The following PHF2 variants were observed in gnomAD, a reference collection of about 807,000 sequenced individuals.
PHF2 encodes the protein lysine-specific demethylase PHF2.
In PHF2, 27 loss-of-function variants were observed where a neutral mutation model predicts 120.5. That is an observed-to-expected ratio of 0.22 (90% CI 0.17 to 0.31). PHF2 has a LOEUF of 0.31. Ranked by LOEUF, PHF2 falls within the 10% of genes least tolerant of loss-of-function variation. PHF2 has a pLI of 1.00. For synonymous variants in PHF2, 568 were observed against 592.5 expected, an observed-to-expected ratio of 0.96 and a Z score of 0.60; for missense variants, 1,024 against 1,434.8, an observed-to-expected ratio of 0.71 and a Z score of 4.63.
intron 1 of PHF2, among the ~76,000 whole-genome samples, chr9:93,578,193 G>C (rs1205962802): frequency 6.6e-6 from 1 of 152,156 alleles, no homozygotes; most frequent in Non-Finnish European, 1.5e-5. Flanking sequence ...CCAGTCCTGA[G>C]TCCTACCTCC....
At chr9:93,650,916 T>C (rs1826358760) in intron 5 of PHF2, among the ~76,000 whole-genome samples, 1 of 152,038 alleles carries the variant, frequency 6.6e-6, no homozygotes, top group African/African-American at 2.4e-5. Context: ...AAGAATTATC[T>C]AAAACCAAGA....
intron 12 of PHF2, among the ~76,000 whole-genome samples, chr9:93,661,907 GGATA>G (rs1826574546): frequency 6.6e-6 from 1 of 151,590 alleles, no homozygotes; most frequent in Non-Finnish European, 1.5e-5. Flanking sequence ...ATGGGTAGAT[GGATA>G]GATGAATGAA....
Position 93,576,825 on chromosome 9 carries a change from C to A in PHF2, c.52C>A (p.Arg18Ser). ...CTGCCGGCTCCCCTACGACGTTACC[C>A]GCTTCATGATCGAGTGCGACGCCTG... ...CVCRLPYDVT[R>S]FMIECDACKD... Residue 18 changes from arginine to serine, a missense_variant, in exon 1 of 22, where the codon CGC becomes AGC. Physicochemically the swap from Arg to Ser is moderately radical, Grantham distance 110 (BLOSUM62 -1). This residue lies in a region of PHF2 where 347 missense variants were observed against 577.4 expected (regional missense o/e 0.60). Transcript: ENST00000359246. 3.1e-6 allele frequency: 4 copies of A among 1,292,036 alleles called. No individual in the cohort carries two copies. Among genetic ancestry groups the A allele is most frequent in the Non-Finnish European group, 3.0e-6 (3 of 984,890 alleles). The allele number at this position is 1,292,036 out of a possible 1,614,324, so 80.0% of individuals were successfully genotyped here.
intron 12 of PHF2, 32 bp downstream of exon 12, chr9:93,660,592 A>G: frequency 6.6e-7 from 1 of 1,513,376 alleles, no homozygotes; most frequent in Non-Finnish European, 8.8e-7. Context: ...TCCCCACCTT[A>G]TCACCAGAGG....
At chr9:93,662,831 C>T in intron 12 of PHF2, 76 bp from the exon 13 acceptor site, 1 of 1,565,028 alleles carries the variant, frequency 6.4e-7, no homozygotes, top group African/African-American at 1.4e-5. Flanking sequence ...CAGAAGAAGA[C>T]AGGGAATCTG....
At chr9:93,611,053 T>C (rs1366698992) in intron 1 of PHF2, among the ~76,000 whole-genome samples, 1 of 152,244 alleles carries the variant, frequency 6.6e-6, no homozygotes, top group African/African-American at 2.4e-5. Context: ...CAACTTTCTC[T>C]GGAAGTTCTG....
chr9:93,634,267 G>T (rs1220422207), intron 2 of PHF2, among the ~76,000 whole-genome samples: 1 of 152,170 alleles, frequency 6.6e-6, no homozygotes, highest in Non-Finnish European at 1.5e-5. Flanking sequence ...GGCCCAGCAG[G>T]AGGGTGATGG....
At chr9:93,586,201 C>G (rs1390892821) in intron 1 of PHF2, among the ~76,000 whole-genome samples, 1 of 152,218 alleles carries the variant, frequency 6.6e-6, no homozygotes, top group Non-Finnish European at 1.5e-5. Flanking sequence ...CACACACAGG[C>G]TCAAATGGGA....
At chr9:93,674,287 C>T (rs569559238) in intron 18 of PHF2, among the ~76,000 whole-genome samples, 1 of 152,024 alleles carries the variant, frequency 6.6e-6, no homozygotes, top group African/African-American at 2.4e-5. Flanking sequence ...ACCGCCTCAC[C>T]GTGTTGGGGC....
intron 1 of PHF2, among the ~76,000 whole-genome samples, chr9:93,621,206 G>A (rs909069209): frequency 3.2e-4 from 49 of 152,230 alleles, no homozygotes; most frequent in African/African-American, 1.2e-3. Flanking sequence ...GGGCAGCCCA[G>A]TGGTCACCCC....
At chr9:93,673,348 C>A (rs1386301896) in intron 17 of PHF2, among the ~76,000 whole-genome samples, 2 of 152,050 alleles carry the variant, frequency 1.3e-5, no homozygotes, top group Non-Finnish European at 2.9e-5. Context: ...TGTCTCCAGG[C>A]CTCCAGCCCT....
chr9:93,589,031 TGAAGAAGAGAGG>T (rs1445705649), intron 1 of PHF2, among the ~76,000 whole-genome samples: 1 of 152,138 alleles, frequency 6.6e-6, no homozygotes, highest in Non-Finnish European at 1.5e-5. Flanking sequence ...CTCCATCAAG[TGAAGAAGAGAGG>T]GACCTTGGAG....
intron 20 of PHF2, 105 bp from the exon 21 acceptor site, chr9:93,676,489 C>A: frequency 1.4e-6 from 2 of 1,389,682 alleles, no homozygotes; most frequent in South Asian, 1.4e-5. Flanking sequence ...GCTGCCCAGC[C>A]CTGCTGTGCT....
intron 1 of PHF2, among the ~76,000 whole-genome samples, chr9:93,617,432 G>C (rs1052043903): frequency 2.6e-5 from 4 of 152,210 alleles, no homozygotes; most frequent in African/African-American, 9.6e-5. Flanking sequence ...AGCCAGAGAA[G>C]CACCTGGGAG....
intron 1 of PHF2, among the ~76,000 whole-genome samples, chr9:93,627,526 A>G (rs1825934844): frequency 1.4e-5 from 1 of 69,732 alleles, no homozygotes; most frequent in South Asian, 5.7e-4. Context: ...TGCTCTGGCT[A>G]GAACTTCCAG....
At position 93,676,622 on chromosome 9, in the gene PHF2, G is replaced by T. The variant is rs900844926; in HGVS notation, c.2861G>T (p.Ser954Ile). The stretch of plus-strand genomic sequence containing the variant: ...GAGCAGAAAAGCAAGAAAAAAAAGA[G>T]TGCCAAGAGGAAGCTGACTCCTAAC... ...QEEQKSKKKK[S>I]AKRKLTPNTT... Residue 954 changes from serine to isoleucine, a missense_variant, in exon 21 of 22, where the codon AGT (serine) becomes ATT (isoleucine). Coordinates refer to ENST00000359246, the MANE Select transcript of PHF2 (RefSeq NM_005392.4). 6.2e-7 allele frequency: 1 copy of T among 1,604,256 alleles called. No homozygotes were observed. The highest frequency in any genetic ancestry group is 1.7e-5 in the Admixed American group (1 of 59,506).
chr9:93,636,264 G>A, intron 2 of PHF2, 147 bp from the exon 3 acceptor site: 1 of 622,048 alleles, frequency 1.6e-6, no homozygotes, highest in Non-Finnish European at 2.9e-6. Flanking sequence ...GCAGGGTGGG[G>A]GTGTCATCAG....
intron 5 of PHF2, among the ~76,000 whole-genome samples, chr9:93,649,739 C>A (rs1049066216): frequency 6.6e-6 from 1 of 150,880 alleles, no homozygotes; most frequent in African/African-American, 2.5e-5. Flanking sequence ...ATTCATGACA[C>A]TCTGACCCTC....
chr9:93,649,018 G>C lies in PHF2; in HGVS notation c.461-53G>C, dbSNP rs893630636. Reference sequence around the variant, plus strand: ...TCCACTCCACACGTCCTGGCCTCAGGGAGGCTGTGCCGCCTTCCCAGGGTG... The same window carrying C: ...TCCACTCCACACGTCCTGGCCTCAGCGAGGCTGTGCCGCCTTCCCAGGGTG... On this transcript the variant is annotated intron_variant, in intron 4 of 21. Transcript: ENST00000359246. The C allele has an allele frequency of 1.9e-5, 30 of 1,546,830 alleles. No individual in the cohort carries two copies. The South Asian group carries it at 3.6e-4, about 18-fold the overall frequency.
Sources: gnomAD v4.1 joint callset for allele counts (sites outside exome capture counted in the v4.1 genomes callset) on GRCh38, gnomAD v4.1.1 for gene constraint, gnomAD v4.1.1 regional missense constraint, MANE v1.5 for transcripts, NCBI Gene and HGNC (gene_info 2026-07-23, HGNC 2026-07-21) for gene names.